Variants in PKD2 observed in about 807,000 individuals in gnomAD.
PKD2 encodes the protein polycystin 2, transient receptor potential cation channel.
In PKD2, 48 loss-of-function variants were observed where a neutral mutation model predicts 105.9. The ratio of observed to expected loss-of-function variants is 0.45; its 90% CI spans 0.36 to 0.58. The LOEUF (loss-of-function observed/expected upper bound fraction) is 0.58, where lower values mean the gene tolerates loss of function less well. PKD2 is among the 20% of genes least tolerant of loss of function. The pLI is 0.00. For synonymous variants in PKD2, 464 were observed against 481.1 expected (o/e 0.96, Z 0.46); for missense variants, 1,078 against 1,255.3 (o/e 0.86, Z 2.13).
intron 12 of PKD2, among the ~76,000 whole-genome samples, chr4:88,067,510 A>C (rs1360741620): frequency 6.6e-6 from 1 of 152,026 alleles, no homozygotes; most frequent in African/African-American, 2.4e-5. Flanking sequence ...TTTTTAAAAA[A>C]TTTTTTGTGG....
intron 6 of PKD2, 56 bp downstream of exon 6, chr4:88,046,926 G>C: frequency 9.9e-7 from 1 of 1,007,082 alleles, no homozygotes; most frequent in Non-Finnish European, 1.6e-6. Flanking sequence ...ATGTTAACTA[G>C]AGTCTTTGAT....
At chr4:88,039,435 C>T (rs60077466) in intron 4 of PKD2, among the ~76,000 whole-genome samples, 15,555 of 151,998 alleles carry the variant, frequency 0.1, 2,764 homozygotes, top group African/African-American at 0.36. Flanking sequence ...AAAGCCAAGG[C>T]GGACAGATCA....
intron 7 of PKD2, 137 bp downstream of exon 7, chr4:88,052,295 G>C: frequency 1.6e-6 from 1 of 642,946 alleles, no homozygotes; most frequent in Non-Finnish European, 2.8e-6. Flanking sequence ...TTGAGACAGG[G>C]TCTCACTCTG....
At chr4:88,009,891 A>G (rs1408057804) in intron 1 of PKD2, among the ~76,000 whole-genome samples, 1 of 152,224 alleles carries the variant, frequency 6.6e-6, no homozygotes, top group Admixed American at 6.5e-5. Context: ...TAAGCATTTG[A>G]TAACACCCCT....
At chr4:88,073,860 A>G (rs1427369039) in intron 13 of PKD2, among the ~76,000 whole-genome samples, 2 of 152,204 alleles carry the variant, frequency 1.3e-5, no homozygotes, top group Non-Finnish European at 2.9e-5. Flanking sequence ...TTATTTCACT[A>G]AAGAGAGAGT....
intron 1 of PKD2, among the ~76,000 whole-genome samples, chr4:88,013,720 A>AAAAAAG: frequency 6.6e-6 from 1 of 152,104 alleles, no homozygotes; most frequent in South Asian, 2.1e-4. Context: ...AAAAAAAAAA[A>AAAAAAG]AAAGAGAGGA....
At chr4:88,051,440 T>TGA (rs1360603526) in intron 6 of PKD2, among the ~76,000 whole-genome samples, 1 of 152,246 alleles carries the variant, frequency 6.6e-6, no homozygotes, top group African/African-American at 2.4e-5. Context: ...TTTATGCAGT[T>TGA]TACTTCTGTT....
rs1473542808 is a variant in PKD2, at chr4:88,007,689, C to T, written c.-45C>T. 1.8e-6 allele frequency: 2 copies of T among 1,130,214 alleles called. No individual in the cohort carries two copies. Among genetic ancestry groups the T allele is most frequent in the South Asian group, 2.9e-5 (1 of 34,498 alleles). The allele number at this position is 1,130,214 out of a possible 1,614,324, so 70.0% of individuals were successfully genotyped here. On this transcript the variant is annotated 5_prime_UTR_variant, in exon 1 of 15. Coordinates refer to ENST00000237596, the MANE Select transcript of PKD2 (RefSeq NM_000297.4). ...ACATGGCTCCTGAGGCGCACAGCGC[C>T]GAGCGCGGCGCCGCGCACCCGCGCG...
chr4:88,070,609 G>T (rs143204842), intron 13 of PKD2, among the ~76,000 whole-genome samples: 15 of 141,980 alleles, frequency 1.1e-4, no homozygotes, highest in Non-Finnish European at 1.6e-4. Flanking sequence ...TATAGAGAGA[G>T]AGAGAGAGAG....
At chr4:88,071,901 T>C (rs2110146837) in intron 13 of PKD2, among the ~76,000 whole-genome samples, 1 of 152,144 alleles carries the variant, frequency 6.6e-6, no homozygotes, top group East Asian at 1.9e-4. Flanking sequence ...CAGAATGCCT[T>C]GGGATGTAAT....
intron 1 of PKD2, among the ~76,000 whole-genome samples, chr4:88,009,738 A>T (rs930297233): frequency 1.3e-5 from 2 of 152,206 alleles, no homozygotes; most frequent in African/African-American, 4.8e-5. Context: ...AAACACTAAC[A>T]CTTTTTAAGA....
chr4:88,052,018 A>T lies in PKD2; in HGVS notation c.1576A>T (p.Ile526Leu). The T allele has an allele frequency of 6.3e-7, 1 of 1,596,464 alleles. No individual in the cohort carries two copies. Among genetic ancestry groups the T allele is most frequent in the Non-Finnish European group, 8.6e-7 (1 of 1,164,212 alleles). The stretch of plus-strand genomic sequence containing the variant: ...GTCAGTGGTAGCTATAGGAATTAAC[A>T]TATACAGAACATCAAATGTGGAGGT... ...VLSVVAIGIN[I>L]YRTSNVEVLL... The change falls in exon 7 of 15, where the codon ATA (isoleucine) becomes TTA (leucine). Residue 526 changes from isoleucine (I) to leucine (L), a missense_variant. Coordinates refer to ENST00000237596, the MANE Select transcript of PKD2 (RefSeq NM_000297.4).
At chr4:88,056,354 GACC>G in intron 8 of PKD2, 87 bp downstream of exon 8, 1 of 787,764 alleles carries the variant, frequency 1.3e-6, no homozygotes, top group Non-Finnish European at 2.1e-6. Flanking sequence ...GTTGCTATAT[GACC>G]ACCAATTATT....
intron 13 of PKD2, among the ~76,000 whole-genome samples, chr4:88,068,483 C>A (rs1720880414): frequency 6.7e-6 from 1 of 150,026 alleles, no homozygotes. Context: ...AAAAAAAAAA[C>A]TTGTCAATTG....
At chr4:88,053,089 C>A (rs931103509) in intron 7 of PKD2, among the ~76,000 whole-genome samples, 1 of 152,174 alleles carries the variant, frequency 6.6e-6, no homozygotes, top group Non-Finnish European at 1.5e-5. Flanking sequence ...CCAGCACAGG[C>A]TCTGATTGTG....
intron 2 of PKD2, among the ~76,000 whole-genome samples, chr4:88,030,780 A>G (rs1371248820): frequency 6.6e-6 from 1 of 152,232 alleles, no homozygotes; most frequent in Non-Finnish European, 1.5e-5. Context: ...GATGGGATGC[A>G]GCTGTGCACC....
chr4:88,016,452 C>G (rs910487591), intron 1 of PKD2, among the ~76,000 whole-genome samples: 1 of 152,186 alleles, frequency 6.6e-6, no homozygotes, highest in Non-Finnish European at 1.5e-5. Flanking sequence ...CCATCCTTAA[C>G]CATTCTTATC....
At chr4:88,062,067 C>A (rs1292046940) in intron 10 of PKD2, 63 bp downstream of exon 10, 2 of 843,970 alleles carry the variant, frequency 2.4e-6, no homozygotes, top group African/African-American at 3.3e-5. Flanking sequence ...ATTGTTTCAC[C>A]CAGATTTTCA....
Position 88,008,099 on chromosome 4 carries a change from C to G in PKD2, c.366C>G (p.Ser122Arg). 6.6e-7 allele frequency: 1 copy of G among 1,515,968 alleles called. No homozygotes were observed. 93.9% of individuals were successfully genotyped at this position (1,515,968 alleles called of 1,614,324 possible). The change falls in exon 1 of 15, where the codon AGC (serine) becomes AGG (arginine). Residue 122 changes from serine to arginine, a missense_variant. Coordinates refer to ENST00000237596, the MANE Select transcript of PKD2 (RefSeq NM_000297.4). Reference protein sequence around the residue: ...VEMDVEWRPGSRRSAASSAVS... With the variant: ...VEMDVEWRPGRRRSAASSAVS... ...TGGACGTAGAGTGGCGCCCGGGCAG[C>G]CGGAGGTCGGCCGCCTCCTCGGCCG...
Sources: allele counts gnomAD v4.1 joint callset (sites outside exome capture counted in the v4.1 genomes callset), GRCh38; gene constraint gnomAD v4.1.1; transcripts MANE v1.5; gene names NCBI Gene and HGNC (gene_info 2026-07-23, HGNC 2026-07-21).